RHBDF2: variants seen among roughly 807,000 people sequenced by gnomAD.
RHBDF2 encodes rhomboid 5 homolog 2.
In RHBDF2, 38 loss-of-function variants were observed where a neutral mutation model predicts 95.2. That is an observed-to-expected ratio of 0.40 (90% CI 0.31 to 0.52). The LOEUF is 0.52. RHBDF2 is among the 20% of genes least tolerant of loss of function. The pLI, the probability that RHBDF2 is intolerant of heterozygous loss-of-function variation, is 0.56. For synonymous variants in RHBDF2, 442 were observed against 462.0 expected (o/e 0.96, Z 0.55); for missense variants, 863 against 1,137.7 (o/e 0.76, Z 3.47).
Position 76,482,898 on chromosome 17 carries a change from G to C in RHBDF2, c.-21-1353C>G, listed in dbSNP as rs138671594. The stretch of plus-strand genomic sequence containing the variant: ...AAAAAAAAATCACACAGCTGTGTGT[G>C]GTGGCTTACACGTACAATCCCAACA... On this transcript the variant is annotated intron_variant, in intron 2 of 18. Transcript: ENST00000675367. Among the ~76,000 whole-genome samples, 942 of 151,830 alleles carry C rather than the reference G, an allele frequency of 6.2e-3. 8 individuals are homozygous for C. Among genetic ancestry groups the C allele is most frequent in the African/African-American group, 0.021 (863 of 41,414 alleles).
At chr17:76,483,495 G>C (rs1278283311) in intron 2 of RHBDF2, among the ~76,000 whole-genome samples, 3 of 152,114 alleles carry the variant, frequency 2.0e-5, no homozygotes, top group Non-Finnish European at 4.4e-5. Flanking sequence ...ATGTTGGTCA[G>C]GCTGGTCTCG....
chr17:76,472,156 TG>T lies in RHBDF2; in HGVS notation c.2065-105del, dbSNP rs1350853078. Reference sequence around the variant, plus strand: ...TCGATCAGCTCCTCCCTGGCAGGCATGGGGACCCCTGAGGCTGAGGGGCAGG... The same window carrying T: ...TCGATCAGCTCCTCCCTGGCAGGCATGGGACCCCTGAGGCTGAGGGGCAGG... On this transcript the variant is annotated intron_variant, in intron 18 of 18. Coordinates refer to ENST00000675367, the MANE Select transcript of RHBDF2 (RefSeq NM_001005498.4). 45 of 1,174,994 alleles carry T rather than the reference TG, an allele frequency of 3.8e-5. No individual in the cohort carries two copies. In the East Asian group the frequency reaches 1.1e-3, roughly 28 times the overall value. 72.8% of individuals were successfully genotyped at this position (1,174,994 alleles called of 1,614,324 possible).
intron 1 of RHBDF2, among the ~76,000 whole-genome samples, chr17:76,491,043 G>A (rs1324563286): frequency 1.3e-5 from 2 of 152,186 alleles, no homozygotes; most frequent in Non-Finnish European, 2.9e-5. Context: ...GCCCTGGACA[G>A]AAGGGGTCTC....
chr17:76,473,910 C>T lies in RHBDF2; in HGVS notation c.1575-8G>A, dbSNP rs886053472. The T allele has an allele frequency of 1.2e-6, 2 of 1,613,780 alleles. No homozygotes were observed. The highest frequency in any genetic ancestry group is 1.7e-6 in the Non-Finnish European group (2 of 1,179,960). ...GCTGGCTCCTCGCAGGTCCTGGAGACAGGGTTCAGATTGGGCTGTGGCACA... is the reference window on the plus strand; with the variant it reads ...GCTGGCTCCTCGCAGGTCCTGGAGATAGGGTTCAGATTGGGCTGTGGCACA... On this transcript the variant is annotated splice_region_variant and splice_polypyrimidine_tract_variant and intron_variant, in intron 13 of 18. Transcript: ENST00000675367.
chr17:76,474,444 C>G lies in RHBDF2; in HGVS notation c.1393G>C (p.Glu465Gln). ...TGGACACAGCAGCCTGAGTCCCGCT[C>G]CAGGTCTCGCTCGCGCAGCACCAGC... ...EQLVLRERDL[E>Q]RDSGCCVQND... The change falls in exon 12 of 19, where the codon GAG becomes CAG. Residue 465 changes from glutamate (E) to glutamine (Q), a missense_variant. By Grantham distance (29) the Glu-to-Gln change is conservative. Around this residue, in one of 2 missense-constraint regions of RHBDF2, gnomAD observed 611 missense variants for 725.5 expected, o/e 0.84. Coordinates refer to ENST00000675367, the MANE Select transcript of RHBDF2 (RefSeq NM_001005498.4). 1 of 1,614,088 alleles carries G rather than the reference C, an allele frequency of 6.2e-7. No homozygotes were observed. Among genetic ancestry groups the G allele is most frequent in the Non-Finnish European group, 8.5e-7 (1 of 1,179,996 alleles).
chr17:76,488,653 CA>C (rs2074211080), intron 1 of RHBDF2, among the ~76,000 whole-genome samples: 1 of 151,896 alleles, frequency 6.6e-6, no homozygotes, highest in Admixed American at 6.6e-5. Context: ...ACTAAGAATA[CA>C]AAAATTAGCC....
rs758202293 is a variant in RHBDF2 at position 76,479,020 on chromosome 17, G to A, written c.469-11C>T. The A allele has an allele frequency of 8.7e-6, 14 of 1,606,040 alleles. No homozygotes were observed. Among genetic ancestry groups the A allele is most frequent in the Admixed American group, 5.0e-5 (3 of 59,566 alleles). ...CAGCGGATCCACAATCTGGAAGGGA[G>A]GGGGGCGGTAAGCAGAGCCATTAGG... On this transcript the variant is annotated splice_polypyrimidine_tract_variant and intron_variant, in intron 5 of 18. Coordinates refer to ENST00000675367, the MANE Select transcript of RHBDF2 (RefSeq NM_001005498.4).
chr17:76,495,558 C>T (rs558829885), intron 1 of RHBDF2, among the ~76,000 whole-genome samples: 1 of 152,318 alleles, frequency 6.6e-6, no homozygotes, highest in South Asian at 2.1e-4. Flanking sequence ...GAGGGCTCAC[C>T]CCAGGAACAG....
intron 4 of RHBDF2, 123 bp from the exon 5 acceptor site, chr17:76,479,400 C>G (rs2073877493): frequency 2.9e-6 from 4 of 1,357,000 alleles, no homozygotes; most frequent in Non-Finnish European, 4.1e-6. Flanking sequence ...GGCGGATCTG[C>G]CTGTGAGGCC....
At position 76,471,923 on chromosome 17, in the gene RHBDF2, T is replaced by A. The variant is rs188076576; in HGVS notation, c.2194A>T (p.Ile732Phe). 1.3e-4 allele frequency: 197 copies of A among 1,575,138 alleles called. 2 individuals carry two copies. Among genetic ancestry groups the A allele is most frequent in the Middle Eastern group, 3.3e-4 (2 of 6,026 alleles). ...TCGATCCAGGGCAGGAGGCCACAGA[T>A]GAACAGGAAGAGCACGATGGCCGAG... is the stretch of plus-strand genomic sequence containing the variant. The part of the protein sequence containing the change: ...NLSAIVLFLF[I>F]CGLLPWIDNI... The change falls in exon 19 of 19, where the codon ATC becomes TTC. Residue 732 changes from isoleucine (I) to phenylalanine (F), a missense_variant. Physicochemically the swap from Ile to Phe is conservative, Grantham distance 21. Transcript: ENST00000675367.
intron 17 of RHBDF2, 62 bp from the exon 18 acceptor site, chr17:76,472,901 G>A (rs1413764227): frequency 9.5e-6 from 15 of 1,577,276 alleles, no homozygotes; most frequent in East Asian, 2.3e-5. Flanking sequence ...AGTAGGCTTC[G>A]GCAGGTTGGG....
Position 76,481,430 on chromosome 17 carries a change from G to A in RHBDF2, c.95C>T (p.Pro32Leu), listed in dbSNP as rs767534962. The A allele has an allele frequency of 1.7e-5, 28 of 1,612,764 alleles. No individual in the cohort carries two copies. Among genetic ancestry groups the A allele is most frequent in the South Asian group, 5.5e-5 (5 of 91,086 alleles). The change falls in exon 3 of 19, where the codon CCG becomes CTG. Residue 32 changes from proline (P) to leucine (L), a missense_variant. By Grantham distance (98) the Pro-to-Leu change is moderately conservative. Around this residue, in one of 2 missense-constraint regions of RHBDF2, gnomAD observed 611 missense variants for 725.5 expected, o/e 0.84. Coordinates refer to ENST00000675367, the MANE Select transcript of RHBDF2 (RefSeq NM_001005498.4). The stretch of plus-strand genomic sequence containing the variant: ...GGCCTGGGTCTCTTTCTCGGGTGGC[G>A]GGATGGTGATGGAGAGGTTGGGTGG... ...RKPPNLSITI[P>L]PPEKETQAPG...
intron 1 of RHBDF2, among the ~76,000 whole-genome samples, chr17:76,490,362 G>A (rs1421933472): frequency 1.3e-5 from 2 of 152,156 alleles, no homozygotes; most frequent in Non-Finnish European, 2.9e-5. Context: ...TGGTGCCAAG[G>A]AGCCCTGGCA....
chr17:76,474,287 G>A (rs1470820488), intron 12 of RHBDF2, 86 bp downstream of exon 12: 10 of 1,481,364 alleles, frequency 6.8e-6, no homozygotes, highest in South Asian at 1.2e-5. Flanking sequence ...AGGAGGGAAC[G>A]TGGTCACTGC....
intron 1 of RHBDF2, among the ~76,000 whole-genome samples, chr17:76,497,275 C>G (rs1387413532): frequency 6.6e-6 from 1 of 152,164 alleles, no homozygotes; most frequent in East Asian, 1.9e-4. Flanking sequence ...AGGGAAAGCA[C>G]AGCTGAGGGG....
chr17:76,492,842 A>G (rs1166204972), intron 1 of RHBDF2, among the ~76,000 whole-genome samples: 4 of 152,154 alleles, frequency 2.6e-5, no homozygotes, highest in African/African-American at 9.7e-5. Context: ...GTGTGGCCAG[A>G]AATGGGGACA....
At position 76,479,767 on chromosome 17, in the gene RHBDF2, G is replaced by A. The variant is rs369829771; in HGVS notation, c.238C>T (p.Arg80Cys). ...CTCTGGGACAGTGAGGCCTGGCGGC[G>A]GAAGCCAGGGCGCTTCTCTGAACTC... ...QESSEKRPGF[R>C]RQASLSQSIR... is the part of the protein sequence containing the mutation. The change falls in exon 4 of 19, where the codon CGC (arginine) becomes TGC (cysteine). Residue 80 changes from arginine (R) to cysteine (C), a missense_variant. Arg to Cys is a radical substitution (Grantham distance 180). Transcript: ENST00000675367. 162 of 1,612,412 alleles carry A rather than the reference G, an allele frequency of 1.0e-4. 6 individuals carry two copies. In the East Asian group the frequency reaches 1.8e-3, roughly 18 times the overall value.
intron 1 of RHBDF2, among the ~76,000 whole-genome samples, chr17:76,488,416 C>T (rs771901977): frequency 6.6e-6 from 1 of 152,104 alleles, no homozygotes; most frequent in South Asian, 2.1e-4. Flanking sequence ...AGGAGAATTG[C>T]TTGAACCTGG....
At chr17:76,491,209 C>A (rs1048967573) in intron 1 of RHBDF2, among the ~76,000 whole-genome samples, 3 of 152,104 alleles carry the variant, frequency 2.0e-5, no homozygotes, top group African/African-American at 7.2e-5. Context: ...CTAGACTCCC[C>A]ACTAGACTCC....
Sources: allele counts gnomAD v4.1 joint callset (sites outside exome capture counted in the v4.1 genomes callset), GRCh38; gene constraint gnomAD v4.1.1; regional missense constraint gnomAD v4.1.1; transcripts MANE v1.5; gene names NCBI Gene and HGNC (gene_info 2026-07-23, HGNC 2026-07-21).